The following CHMP4B variants were observed in gnomAD, a reference collection of about 807,000 sequenced individuals.
CHMP4B encodes the protein SNF7 homolog associated with Alix 1.
CHMP4B carries 1 observed loss-of-function variant against 25.1 expected under a neutral mutation model. The observed-to-expected ratio is 0.04, with a 90% CI of 0.01 to 0.19. The LOEUF is 0.19. Among genes scored for constraint, CHMP4B ranks in the 10% least tolerant of loss-of-function variants. The probability of loss-of-function intolerance (pLI) is 1.00; values close to 1 mark genes in which losing one functional copy is unlikely to be tolerated. For missense variants in CHMP4B, 151 were observed against 289.7 expected (o/e 0.52, Z 3.48); for synonymous variants, 101 against 115.6 (o/e 0.87, Z 0.81).
At chr20:33,814,696 C>T (rs998666147) in intron 1 of CHMP4B, among the ~76,000 whole-genome samples, 1 of 152,204 alleles carries the variant, frequency 6.6e-6, no homozygotes, top group African/African-American at 2.4e-5. Context: ...GCTCTGACAT[C>T]CAGGCCGAAG....
chr20:33,819,647 A>G (rs1403757245), intron 1 of CHMP4B, among the ~76,000 whole-genome samples: 3 of 152,130 alleles, frequency 2.0e-5, no homozygotes, highest in Non-Finnish European at 4.4e-5. Flanking sequence ...GTGGTTGTTT[A>G]GCTCAAAAGG....
At chr20:33,828,465 T>C (rs1979152908) in intron 1 of CHMP4B, among the ~76,000 whole-genome samples, 1 of 152,154 alleles carries the variant, frequency 6.6e-6, no homozygotes, top group African/African-American at 2.4e-5. Context: ...ACAGTTGCTA[T>C]TTTAGGGGGT....
At chr20:33,813,721 TTTTGTTTGTTTG>T (rs373460449) in intron 1 of CHMP4B, among the ~76,000 whole-genome samples, 1 of 152,002 alleles carries the variant, frequency 6.6e-6, no homozygotes, top group Non-Finnish European at 1.5e-5. Flanking sequence ...GAGTTTGTTT[TTTTGTTTGTTTG>T]TTTGTTTGTT....
intron 1 of CHMP4B, among the ~76,000 whole-genome samples, chr20:33,830,016 T>C (rs1601321174): frequency 6.6e-6 from 1 of 152,178 alleles, no homozygotes; most frequent in East Asian, 1.9e-4. Flanking sequence ...ATTTTACAAA[T>C]GAGGAAACAG....
intron 1 of CHMP4B, among the ~76,000 whole-genome samples, chr20:33,817,562 G>A (rs917913629): frequency 2.0e-5 from 3 of 152,190 alleles, no homozygotes; most frequent in African/African-American, 4.8e-5. Context: ...AGATGTGTGC[G>A]AGCCAGCCAT....
intron 1 of CHMP4B, among the ~76,000 whole-genome samples, chr20:33,830,933 G>GTTTTTTTTTCTTTTT (rs1979223937): frequency 9.8e-6 from 1 of 102,524 alleles, no homozygotes; most frequent in African/African-American, 3.7e-5. Flanking sequence ...AAGGAACAGA[G>GTTTTTTTTTCTTTTT]TTTTTTTTTT....
intron 1 of CHMP4B, among the ~76,000 whole-genome samples, chr20:33,824,158 CAG>C (rs1979023404): frequency 6.6e-6 from 1 of 152,204 alleles, no homozygotes. Flanking sequence ...TTTTGAAACT[CAG>C]AGAAGCCTTA....
Position 33,848,611 on chromosome 20 carries a change from C to G in CHMP4B, c.335C>G (p.Ala112Gly). ...GAGGTGCTCAAGAACATGGGCTATG[C>G]CGCCAAGGCCATGAAGGCGGCCCAT... is the stretch of plus-strand genomic sequence containing the variant. Reference protein sequence around the residue: ...NTEVLKNMGYAAKAMKAAHDN... With the variant: ...NTEVLKNMGYGAKAMKAAHDN... Residue 112 changes from alanine to glycine, a missense_variant, in exon 2 of 5, where the codon GCC (alanine) becomes GGC (glycine). This residue lies in a region of CHMP4B where 82 missense variants were observed against 208.3 expected (regional missense o/e 0.39). Transcript: ENST00000217402. The G allele has an allele frequency of 6.2e-7, 1 of 1,614,234 alleles. No individual in the cohort carries two copies. The highest frequency in any genetic ancestry group is 1.1e-5 in the South Asian group (1 of 91,084).
At chr20:33,813,035 G>C (rs940516246) in intron 1 of CHMP4B, among the ~76,000 whole-genome samples, 1 of 152,024 alleles carries the variant, frequency 6.6e-6, no homozygotes, top group African/African-American at 2.4e-5. Flanking sequence ...AAGATGGTCT[G>C]ATAGGGAGTG....
chr20:33,840,656 C>T (rs1011009390), intron 1 of CHMP4B, among the ~76,000 whole-genome samples: 1 of 152,208 alleles, frequency 6.6e-6, no homozygotes, highest in Non-Finnish European at 1.5e-5. Context: ...CTGTGTTTTA[C>T]AGATGTTGGT....
In CHMP4B at chr20:33,852,151, C is replaced by G; in HGVS notation, c.558C>G (p.Pro186=). ...AGAATTTGCTGGAAATCAGTGGACC[C>G]GAAACAGTCCCTCTACCAAATGTTC... ...LDKNLLEISG[P]ETVPLPNVPS... Residue 186 remains proline (P), a synonymous_variant, in exon 4 of 5, where the codon CCC becomes CCG. Transcript: ENST00000217402. The G allele has an allele frequency of 6.2e-7, 1 of 1,614,172 alleles. No individual in the cohort carries two copies. The highest frequency in any genetic ancestry group is 8.5e-7 in the Non-Finnish European group (1 of 1,180,008).
chr20:33,848,468 G>A lies in CHMP4B; in HGVS notation c.192G>A (p.Ala64=), dbSNP rs746338242. 2.9e-5 allele frequency: 47 copies of A among 1,614,074 alleles called. No individual in the cohort carries two copies. Among genetic ancestry groups the A allele is most frequent in the Middle Eastern group, 3.3e-4 (2 of 6,022 alleles). ...AACCCTGTTTTCTCCCTCACGCAGC[G>A]GCCCTCCAGGCACTGAAGCGTAAGA... ...AKKHGTKNKR[A]ALQALKRKKR... The change falls in exon 2 of 5, where the codon GCG becomes GCA. Residue 64 remains alanine, a splice_region_variant and synonymous_variant. Coordinates refer to ENST00000217402, the MANE Select transcript of CHMP4B (RefSeq NM_176812.5).
At chr20:33,822,863 T>C (rs965236532) in intron 1 of CHMP4B, among the ~76,000 whole-genome samples, 3 of 152,046 alleles carry the variant, frequency 2.0e-5, no homozygotes, top group Admixed American at 2.0e-4. Flanking sequence ...GGTGCGATCT[T>C]GGCTCACTGC....
chr20:33,848,354 T>C, intron 1 of CHMP4B, 113 bp from the exon 2 acceptor site: 1 of 991,670 alleles, frequency 1.0e-6, no homozygotes, highest in Non-Finnish European at 1.6e-6. Context: ...TCCTCTGCTA[T>C]AGTGGAAGCA....
chr20:33,846,894 T>G (rs1370134196), intron 1 of CHMP4B, among the ~76,000 whole-genome samples: 2 of 152,238 alleles, frequency 1.3e-5, no homozygotes, highest in African/African-American at 4.8e-5. Flanking sequence ...CCTTCCTAGC[T>G]TTTGATGCCC....
intron 1 of CHMP4B, among the ~76,000 whole-genome samples, chr20:33,840,711 T>C (rs2122805525): frequency 6.6e-6 from 1 of 152,372 alleles, no homozygotes. Flanking sequence ...CTTTCTTTTT[T>C]TTGGTGAGCC....
chr20:33,851,074 GTTTTGTACAGATCCCATAAGC>G lies in CHMP4B; in HGVS notation c.483+11_483+31del. ...GGAGAAGAGTTTGACGAGGTGAGTAGTTTTGTACAGATCCCATAAGCTTCACAAATGATACCCTGAGGCTGT... is the reference window on the plus strand; with the variant it reads ...GGAGAAGAGTTTGACGAGGTGAGTAGTTCACAAATGATACCCTGAGGCTGT... On this transcript the variant is annotated intron_variant, in intron 3 of 4. Coordinates refer to ENST00000217402, the MANE Select transcript of CHMP4B (RefSeq NM_176812.5). 1 of 1,516,364 alleles carries G rather than the reference GTTTTGTACAGATCCCATAAGC, an allele frequency of 6.6e-7. No homozygotes were observed. Among genetic ancestry groups the G allele is most frequent in the Non-Finnish European group, 9.2e-7 (1 of 1,090,776 alleles). The allele number at this position is 1,516,364 out of a possible 1,614,324, so 93.9% of individuals were successfully genotyped here.
chr20:33,819,621 A>G (rs558637915), intron 1 of CHMP4B, among the ~76,000 whole-genome samples: 1 of 152,290 alleles, frequency 6.6e-6, no homozygotes, highest in Admixed American at 6.5e-5. Context: ...GAGGAAAGCT[A>G]TACATCCCTC....
intron 3 of CHMP4B, 122 bp from the exon 4 acceptor site, chr20:33,851,955 C>A: frequency 2.3e-6 from 3 of 1,311,994 alleles, no homozygotes; most frequent in Non-Finnish European, 3.3e-6. Flanking sequence ...ACCTGGAATT[C>A]ACCTCCCCGC....
Sources: allele counts gnomAD v4.1 joint callset (sites outside exome capture counted in the v4.1 genomes callset), GRCh38; gene constraint gnomAD v4.1.1; regional missense constraint gnomAD v4.1.1; transcripts MANE v1.5; gene names NCBI Gene and HGNC (gene_info 2026-07-23, HGNC 2026-07-21).